The following UBE2E3 variants were observed in gnomAD, a reference collection of about 807,000 sequenced individuals.
The protein encoded by UBE2E3 is ubiquitin conjugating enzyme E2 E3.
UBE2E3 carries 5 observed loss-of-function variants against 23.6 expected under a neutral mutation model. The ratio of observed to expected loss-of-function variants is 0.21; its 90% CI spans 0.11 to 0.44. The LOEUF (loss-of-function observed/expected upper bound fraction) is 0.44, where lower values mean the gene tolerates loss of function less well. Ranked by LOEUF, UBE2E3 falls within the 20% of genes least tolerant of loss-of-function variation. The pLI is 0.99. For missense variants in UBE2E3, 81 were observed against 249.8 expected, an observed-to-expected ratio of 0.32 and a Z score of 4.55; for synonymous variants, 78 against 87.5, an observed-to-expected ratio of 0.89 and a Z score of 0.60.
At chr2:181,020,977 A>G (rs1685651979) in intron 3 of UBE2E3, among the ~76,000 whole-genome samples, 1 of 152,176 alleles carries the variant, frequency 6.6e-6, no homozygotes. Context: ...TTTTAGTTGG[A>G]CATGTTTCAA....
At chr2:180,997,401 T>C (rs1450969652) in intron 3 of UBE2E3, among the ~76,000 whole-genome samples, 4 of 152,132 alleles carry the variant, frequency 2.6e-5, no homozygotes, top group African/African-American at 9.6e-5. Context: ...TTTTTTGTTT[T>C]GTATGCGCAT....
intron 3 of UBE2E3, among the ~76,000 whole-genome samples, chr2:181,016,286 T>G (rs1280645091): frequency 2.0e-5 from 3 of 151,918 alleles, no homozygotes; most frequent in African/African-American, 7.3e-5. Flanking sequence ...CACTGTGTAG[T>G]CCAGGCTGGT....
chr2:181,019,109 A>C (rs1052952829), intron 3 of UBE2E3, among the ~76,000 whole-genome samples: 1 of 152,180 alleles, frequency 6.6e-6, no homozygotes, highest in Non-Finnish European at 1.5e-5. Flanking sequence ...GACTACAGGC[A>C]TGTGCCACCA....
intron 3 of UBE2E3, among the ~76,000 whole-genome samples, chr2:181,010,072 A>G (rs957861514): frequency 3.9e-5 from 6 of 152,272 alleles, no homozygotes; most frequent in Admixed American, 2.6e-4. Context: ...GTTTTTACCC[A>G]TTCTTGATTG....
At chr2:181,054,003 A>G (rs1574223437) in intron 3 of UBE2E3, among the ~76,000 whole-genome samples, 1 of 151,782 alleles carries the variant, frequency 6.6e-6, no homozygotes, top group African/African-American at 2.4e-5. Flanking sequence ...AGTTTCATCC[A>G]TATCTTTTCA....
rs778879163 is a variant in UBE2E3 at position 181,057,850 on chromosome 2, T to TAG, written c.378+26_378+27dup. ...GGTAAGAAGCTTGAAGTGCATTCTTTAGTATTTAATCCTTCTCCTCTAAAA... is the reference window on the plus strand; with the variant it reads ...GGTAAGAAGCTTGAAGTGCATTCTTTAGAGTATTTAATCCTTCTCCTCTAAAA... On this transcript the variant is annotated intron_variant, in intron 4 of 5. Coordinates refer to ENST00000410062, the MANE Select transcript of UBE2E3 (RefSeq NM_006357.4). 9 of 1,606,742 alleles carry TAG rather than the reference T, an allele frequency of 5.6e-6. No individual in the cohort carries two copies. In the South Asian group the frequency reaches 9.9e-5, roughly 18 times the overall value.
chr2:180,990,781 C>A (rs1392375766), intron 3 of UBE2E3, among the ~76,000 whole-genome samples: 2 of 152,098 alleles, frequency 1.3e-5, no homozygotes, highest in Non-Finnish European at 2.9e-5. Context: ...CATCAAAATT[C>A]AGTTTGACAT....
At chr2:181,038,669 A>T (rs549759153) in intron 3 of UBE2E3, among the ~76,000 whole-genome samples, 1 of 152,344 alleles carries the variant, frequency 6.6e-6, no homozygotes, top group Admixed American at 6.5e-5. Flanking sequence ...AAAGGGAGAA[A>T]ATAATTTGAA....
rs1202487152 is a variant in UBE2E3 at position 180,980,930 on chromosome 2, C to G, written c.-69C>G. 1 of 148,718 alleles carries G rather than the reference C, an allele frequency of 6.7e-6. No individual in the cohort carries two copies. Among genetic ancestry groups the G allele is most frequent in the Non-Finnish European group, 1.5e-5 (1 of 66,364 alleles). The allele number at this position is 148,718 out of a possible 1,614,324, so 9.2% of individuals were successfully genotyped here. A position where few individuals can be genotyped will look rare whatever the true frequency, so the allele number is the denominator to read the frequency against. On this transcript the variant is annotated 5_prime_UTR_variant, in exon 1 of 6. Coordinates refer to ENST00000410062, the MANE Select transcript of UBE2E3 (RefSeq NM_006357.4). The surrounding 1 kb of genome is among the most constrained non-coding windows in gnomAD (Gnocchi z 5.5). Reference sequence around the variant, plus strand: ...GAAGGGTTTTTTTCTCTCTCCCTCCCCCACACCGTAGCGGCGCGCGAGCGG... The same window carrying G: ...GAAGGGTTTTTTTCTCTCTCCCTCCGCCACACCGTAGCGGCGCGCGAGCGG...
At chr2:181,053,153 A>C in intron 3 of UBE2E3, among the ~76,000 whole-genome samples, 1 of 151,864 alleles carries the variant, frequency 6.6e-6, no homozygotes, top group South Asian at 2.1e-4. Context: ...GGAAAAGATC[A>C]GAGGCCAGAG....
intron 3 of UBE2E3, among the ~76,000 whole-genome samples, chr2:181,032,869 A>G (rs1052300617): frequency 2.0e-5 from 3 of 152,194 alleles, no homozygotes; most frequent in Admixed American, 6.5e-5. Context: ...AAAAATCACA[A>G]GCATTCTTAA....
chr2:181,052,922 A>G (rs1050958656), intron 3 of UBE2E3, among the ~76,000 whole-genome samples: 5 of 151,488 alleles, frequency 3.3e-5, no homozygotes, highest in South Asian at 2.1e-4. Context: ...CCTCCCTTCT[A>G]TCTGGCTGAT....
intron 3 of UBE2E3, chr2:180,989,839 A>G (rs767147494): frequency 4.8e-5 from 74 of 1,526,966 alleles, no homozygotes; most frequent in East Asian, 9.9e-5. Flanking sequence ...TGCTCTCCTT[A>G]AATGAGTTGC....
intron 3 of UBE2E3, among the ~76,000 whole-genome samples, chr2:181,003,082 CT>C (rs759140482): frequency 6.6e-6 from 1 of 152,266 alleles, no homozygotes. Context: ...CTCTCTGTTC[CT>C]TTTGAGAATG....
At chr2:181,025,075 C>G (rs1009992542) in intron 3 of UBE2E3, among the ~76,000 whole-genome samples, 2 of 152,016 alleles carry the variant, frequency 1.3e-5, no homozygotes, top group South Asian at 4.1e-4. Context: ...CATGGAGATA[C>G]GTTCTGGGAC....
In UBE2E3 at chr2:181,003,507, A is replaced by G. The variant is rs116830496; in HGVS notation, c.245+19414A>G. Among the ~76,000 whole-genome samples the G allele has an allele frequency of 8.5e-3, 1,292 of 152,306 alleles. 21 individuals are homozygous for G. The highest frequency in any genetic ancestry group is 0.03 in the African/African-American group (1,227 of 41,568). On this transcript the variant is annotated intron_variant, in intron 3 of 5. Transcript: ENST00000410062. Reference sequence around the variant, plus strand: ...CTCAAGATTTAAAAACAATCTAATTACAGTTGGACTTTATTTGATATAAAT... The same window carrying G: ...CTCAAGATTTAAAAACAATCTAATTGCAGTTGGACTTTATTTGATATAAAT...
chr2:181,037,627 TCA>T (rs1686339412), intron 3 of UBE2E3, among the ~76,000 whole-genome samples: 1 of 152,178 alleles, frequency 6.6e-6, no homozygotes, highest in South Asian at 2.1e-4. Flanking sequence ...TGTTTTAAGC[TCA>T]GTGTTACTAC....
intron 3 of UBE2E3, among the ~76,000 whole-genome samples, chr2:181,008,956 TG>T (rs1685234117): frequency 1.3e-5 from 2 of 152,014 alleles, no homozygotes; most frequent in South Asian, 4.2e-4. Flanking sequence ...TTATTTTTCA[TG>T]GGAATGTAAA....
chr2:181,013,217 T>G (rs1235852944), intron 3 of UBE2E3, among the ~76,000 whole-genome samples: 2 of 152,200 alleles, frequency 1.3e-5, no homozygotes, highest in African/African-American at 4.8e-5. Flanking sequence ...TTGTGTTATC[T>G]ATTGCTACTT....
Sources: allele counts gnomAD v4.1 joint callset (sites outside exome capture counted in the v4.1 genomes callset), GRCh38; gene constraint gnomAD v4.1.1; non-coding constraint Gnocchi (gnomAD v3.1); transcripts MANE v1.5; gene names NCBI Gene and HGNC (gene_info 2026-07-23, HGNC 2026-07-21).